Variants in ZFYVE9 observed in about 807,000 individuals in gnomAD.
ZFYVE9 encodes zinc finger FYVE-type containing 9, also known as zinc finger FYVE domain-containing protein 9.
In ZFYVE9, 43 loss-of-function variants were observed where a neutral mutation model predicts 126.7. The ratio of observed to expected loss-of-function variants is 0.34; its 90% CI spans 0.27 to 0.44. The LOEUF is 0.44. Ranked by LOEUF, ZFYVE9 falls within the 20% of genes least tolerant of loss-of-function variation. ZFYVE9 has a pLI of 1.00. For missense variants in ZFYVE9, 1,476 were observed against 1,697.0 expected, an observed-to-expected ratio of 0.87 and a Z score of 2.29; for synonymous variants, 521 against 597.4, an observed-to-expected ratio of 0.87 and a Z score of 1.87.
intron 2 of ZFYVE9, among the ~76,000 whole-genome samples, chr1:52,219,628 A>G (rs1324650675): frequency 6.6e-6 from 1 of 151,930 alleles, no homozygotes; most frequent in Non-Finnish European, 1.5e-5. Flanking sequence ...TGAGGGAGGA[A>G]AGGGTGGAAG....
intron 1 of ZFYVE9, among the ~76,000 whole-genome samples, chr1:52,207,167 G>A (rs1261576111): frequency 6.6e-6 from 1 of 152,176 alleles, no homozygotes; most frequent in Non-Finnish European, 1.5e-5. Context: ...GTATATCTCA[G>A]TAGTTTCTGT....
intron 8 of ZFYVE9, among the ~76,000 whole-genome samples, chr1:52,277,877 A>C (rs1304660686): frequency 6.6e-6 from 1 of 152,206 alleles, no homozygotes; most frequent in Non-Finnish European, 1.5e-5. Flanking sequence ...TCAGAATCTT[A>C]TGTGTGATTT....
At chr1:52,318,132 T>A (rs1488040033) in intron 13 of ZFYVE9, among the ~76,000 whole-genome samples, 1 of 152,184 alleles carries the variant, frequency 6.6e-6, no homozygotes, top group African/African-American at 2.4e-5. Flanking sequence ...TGAAGTTATT[T>A]GCATAAATAG....
intron 7 of ZFYVE9, among the ~76,000 whole-genome samples, chr1:52,269,457 T>C (rs1321695271): frequency 2.0e-5 from 3 of 152,212 alleles, no homozygotes; most frequent in Middle Eastern, 3.2e-3. Flanking sequence ...TTACTCCTGA[T>C]GTTTTCATAG....
chr1:52,295,039 CT>C (rs1232471968), intron 11 of ZFYVE9, among the ~76,000 whole-genome samples: 1 of 152,108 alleles, frequency 6.6e-6, no homozygotes, highest in Non-Finnish European at 1.5e-5. Flanking sequence ...AATCCCATCT[CT>C]ACTAAAAATA....
At chr1:52,263,968 G>T in intron 5 of ZFYVE9, 96 bp downstream of exon 5, 1 of 634,776 alleles carries the variant, frequency 1.6e-6, no homozygotes. Flanking sequence ...TTTACAAGTT[G>T]CTCACCTTCT....
At chr1:52,274,385 C>G in intron 7 of ZFYVE9, 79 bp from the exon 8 acceptor site, 1 of 1,437,484 alleles carries the variant, frequency 7.0e-7, no homozygotes, top group Non-Finnish European at 9.3e-7. Flanking sequence ...CACTTAAGTT[C>G]CCATTTGTAT....
In ZFYVE9 at chr1:52,283,505, A is replaced by G. The variant is rs533811851; in HGVS notation, c.3025+1689A>G. ...AGGATAAGCAAATGTATATTCATAC[A>G]CTAGAATACTGCTCAACAGTAAAAA... On this transcript the variant is annotated intron_variant, in intron 10 of 18. Coordinates refer to ENST00000287727, the MANE Select transcript of ZFYVE9 (RefSeq NM_004799.4). Among the ~76,000 whole-genome samples, 8 of 152,370 alleles carry G rather than the reference A, an allele frequency of 5.3e-5. No homozygotes were observed. In the East Asian group the frequency reaches 1.2e-3, roughly 22 times the overall value.
chr1:52,296,021 A>T (rs201472396), intron 12 of ZFYVE9, 44 bp downstream of exon 12: 38 of 1,548,106 alleles, frequency 2.5e-5, no homozygotes, highest in South Asian at 1.6e-4. Context: ...TGGAGTTTAT[A>T]TGGGAGAAGG....
At position 52,157,394 on chromosome 1, in the gene ZFYVE9, CTTTTTTT is replaced by C. The variant is rs71579908; in HGVS notation, c.-143+15009_-143+15015del. 7.2e-3 allele frequency among the ~76,000 whole-genome samples: 420 copies of C among 58,468 alleles called. 8 individuals are homozygous for C. The East Asian group carries it at 0.17, about 23-fold the overall frequency. The allele number at this position is 58,468 out of a possible 152,430, so 38.4% of individuals were successfully genotyped here. On this transcript the variant is annotated intron_variant, in intron 1 of 18. Transcript: ENST00000287727. The stretch of plus-strand genomic sequence containing the variant: ...TTTTTTCCTTATGGCACCATATTCT[CTTTTTTT>C]TTTTTTTTTTTTTTTTTGAGATGGA...
At chr1:52,311,164 G>A (rs1205432859) in intron 13 of ZFYVE9, among the ~76,000 whole-genome samples, 1 of 152,064 alleles carries the variant, frequency 6.6e-6, no homozygotes, top group Non-Finnish European at 1.5e-5. Flanking sequence ...ACCATGTCTG[G>A]CAATGACTGT....
chr1:52,332,754 C>A lies in ZFYVE9; in HGVS notation c.3439-14C>A, dbSNP rs1190061826. 6.2e-7 allele frequency: 1 copy of A among 1,611,576 alleles called. No individual in the cohort carries two copies. ...CCCATTCTTGTCAGAATAAGGTTAT[C>A]TCTTTGATTGCAGATGATGAAAGCC... On this transcript the variant is annotated splice_polypyrimidine_tract_variant and intron_variant, in intron 13 of 18. Transcript: ENST00000287727.
chr1:52,164,038 G>A (rs1201070738), intron 1 of ZFYVE9, among the ~76,000 whole-genome samples: 4 of 151,490 alleles, frequency 2.6e-5, no homozygotes, highest in Admixed American at 2.0e-4. Context: ...TGCAACCCCC[G>A]CCTCCTAGGC....
chr1:52,333,636 T>C (rs1646363442), intron 14 of ZFYVE9, among the ~76,000 whole-genome samples: 1 of 152,094 alleles, frequency 6.6e-6, no homozygotes, highest in Non-Finnish European at 1.5e-5. Flanking sequence ...AAAAAATAAG[T>C]CTTGTTTAAT....
intron 2 of ZFYVE9, among the ~76,000 whole-genome samples, chr1:52,232,778 AT>A (rs1306509931): frequency 6.6e-6 from 1 of 150,514 alleles, no homozygotes; most frequent in Non-Finnish European, 1.5e-5. Flanking sequence ...CAGAGTCATC[AT>A]TAGCATTTTG....
chr1:52,209,335 C>T (rs1034055290), intron 1 of ZFYVE9, among the ~76,000 whole-genome samples: 13 of 151,946 alleles, frequency 8.6e-5, no homozygotes, highest in Admixed American at 6.5e-4. Flanking sequence ...TTTTTTTTAA[C>T]TGGTTTTTAA....
At chr1:52,279,691 ACTC>A (rs1645783242) in intron 9 of ZFYVE9, among the ~76,000 whole-genome samples, 1 of 151,328 alleles carries the variant, frequency 6.6e-6, no homozygotes, top group African/African-American at 2.4e-5. Context: ...TTGTTCTTGA[ACTC>A]CTGAACTCGA....
chr1:52,255,008 C>G (rs922193234), intron 4 of ZFYVE9, among the ~76,000 whole-genome samples: 4 of 151,252 alleles, frequency 2.6e-5, no homozygotes, highest in Non-Finnish European at 5.9e-5. Flanking sequence ...GGGAGGATCA[C>G]TTGAACCCAG....
intron 1 of ZFYVE9, among the ~76,000 whole-genome samples, chr1:52,212,885 T>C (rs554340528): frequency 5.1e-4 from 77 of 152,314 alleles, no homozygotes; most frequent in African/African-American, 1.8e-3. Context: ...ATTATTAATT[T>C]CACATTGGGA....
Sources: allele counts gnomAD v4.1 joint callset (sites outside exome capture counted in the v4.1 genomes callset), GRCh38; gene constraint gnomAD v4.1.1; transcripts MANE v1.5; gene names NCBI Gene and HGNC (gene_info 2026-07-23, HGNC 2026-07-21).